Variants in SPNS2 observed in about 807,000 individuals in gnomAD.
SPNS2 encodes sphingosine-1-phosphate transporter SPNS2.
In SPNS2, 37 loss-of-function variants were observed where a neutral mutation model predicts 57.6. The ratio of observed to expected loss-of-function variants is 0.64; its 90% CI spans 0.49 to 0.85. SPNS2 has a LOEUF of 0.85. SPNS2 is among the 40% of genes least tolerant of loss of function. The pLI is 0.00. For synonymous variants in SPNS2, 440 were observed against 346.9 expected, an observed-to-expected ratio of 1.27 and a Z score of -2.98; for missense variants, 831 against 779.1, an observed-to-expected ratio of 1.07 and a Z score of -0.79.
At chr17:4,521,859 G>A (rs918834859) in intron 2 of SPNS2, among the ~76,000 whole-genome samples, 1 of 152,220 alleles carries the variant, frequency 6.6e-6, no homozygotes, top group Non-Finnish European at 1.5e-5. Context: ...GTGACACGAC[G>A]TGGGTAGCTT....
chr17:4,500,785 G>A (rs901932246), intron 1 of SPNS2, among the ~76,000 whole-genome samples: 7 of 152,050 alleles, frequency 4.6e-5, no homozygotes, highest in African/African-American at 9.7e-5. Flanking sequence ...CTGATGGGAG[G>A]GCAGAGGCTT....
At chr17:4,508,186 G>A (rs1030219323) in intron 1 of SPNS2, among the ~76,000 whole-genome samples, 8 of 152,294 alleles carry the variant, frequency 5.3e-5, no homozygotes, top group East Asian at 3.9e-4. Flanking sequence ...TTGGATCTGC[G>A]CCCTAGAGGT....
chr17:4,502,379 CA>C (rs11327895), intron 1 of SPNS2, among the ~76,000 whole-genome samples: 62,047 of 138,828 alleles, frequency 0.45, 13,037 homozygotes, highest in Non-Finnish European at 0.49. Flanking sequence ...GGCTCTGTCT[CA>C]AAAAAAAAAA....
intron 2 of SPNS2, among the ~76,000 whole-genome samples, chr17:4,514,788 C>T (rs1904944811): frequency 6.6e-6 from 1 of 152,248 alleles, no homozygotes; most frequent in Non-Finnish European, 1.5e-5. Context: ...CAGTGACCAG[C>T]ACTGCAGCTG....
chr17:4,530,743 C>A lies in SPNS2; in HGVS notation c.685C>A (p.Leu229Ile). 1 of 1,614,046 alleles carries A rather than the reference C, an allele frequency of 6.2e-7. No homozygotes were observed. The highest frequency in any genetic ancestry group is 8.5e-7 in the Non-Finnish European group (1 of 1,179,962). ...CCTCTTCACCAAGAACACGCGTACGCTCATGCTGTCCGTCTTCTACTTCGC... is the reference window on the plus strand; with the variant it reads ...CCTCTTCACCAAGAACACGCGTACGATCATGCTGTCCGTCTTCTACTTCGC... Reference protein sequence around the residue: ...GDLFTKNTRTLMLSVFYFAIP... With the variant: ...GDLFTKNTRTIMLSVFYFAIP... Residue 229 changes from leucine to isoleucine, a missense_variant, in exon 4 of 13, where the codon CTC (leucine) becomes ATC (isoleucine). Coordinates refer to ENST00000329078, the MANE Select transcript of SPNS2 (RefSeq NM_001124758.3).
rs1904358259 is a variant in SPNS2, at chr17:4,498,993, G to A, written c.-55G>A. 3.1e-6 allele frequency: 3 copies of A among 974,484 alleles called. No individual in the cohort carries two copies. In the South Asian group the frequency reaches 1.4e-4, roughly 46 times the overall value. The allele number at this position is 974,484 out of a possible 1,614,324, so 60.4% of individuals were successfully genotyped here. A position where few individuals can be genotyped will look rare whatever the true frequency, so the allele number is the denominator to read the frequency against. On this transcript the variant is annotated 5_prime_UTR_variant, in exon 1 of 13. Coordinates refer to ENST00000329078, the MANE Select transcript of SPNS2 (RefSeq NM_001124758.3). ...CGCGGCGCACGCACGCGCTGAGCGG[G>A]CCCAGCCTGGGCCCCGCGCCCCCCG...
intron 9 of SPNS2, chr17:4,534,273 CA>C (rs1905655653): frequency 3.9e-6 from 1 of 254,972 alleles, no homozygotes; most frequent in African/African-American, 2.2e-5. Flanking sequence ...GCTGTCTTCA[CA>C]GGGCCAACAA....
chr17:4,514,953 C>T (rs1010506169), intron 2 of SPNS2, among the ~76,000 whole-genome samples: 6 of 152,252 alleles, frequency 3.9e-5, no homozygotes, highest in South Asian at 4.1e-4. Flanking sequence ...CTCCTGGTCC[C>T]GGCCTCACTG....
intron 1 of SPNS2, among the ~76,000 whole-genome samples, chr17:4,508,568 G>T (rs1414958439): frequency 6.6e-6 from 1 of 152,174 alleles, no homozygotes; most frequent in African/African-American, 2.4e-5. Flanking sequence ...GGGGCTGTAT[G>T]TGTGTGCGGT....
At chr17:4,508,619 CGT>C (rs1252461637) in intron 1 of SPNS2, among the ~76,000 whole-genome samples, 2 of 152,230 alleles carry the variant, frequency 1.3e-5, no homozygotes, top group East Asian at 3.9e-4. Flanking sequence ...AGGGCCAGAC[CGT>C]GGAGGCCTCA....
chr17:4,532,558 G>C lies in SPNS2; in HGVS notation c.809G>C (p.Gly270Ala). ...CTCTGGCAGGTGTCCCCTGTCCTGGGCATGATCACAGGAACACTCATCCTC... is the reference window on the plus strand; with the variant it reads ...CTCTGGCAGGTGTCCCCTGTCCTGGCCATGATCACAGGAACACTCATCCTC... ...HWALRVSPVL[G>A]MITGTLILIL... The change falls in exon 6 of 13, where the codon GGC becomes GCC. Residue 270 changes from glycine to alanine, a missense_variant. Gly to Ala is a moderately conservative substitution (Grantham distance 60). Around this residue, in one of 2 missense-constraint regions of SPNS2, gnomAD observed 526 missense variants for 400.9 expected, o/e 1.31. Coordinates refer to ENST00000329078, the MANE Select transcript of SPNS2 (RefSeq NM_001124758.3). The C allele has an allele frequency of 6.2e-7, 1 of 1,614,168 alleles. No individual in the cohort carries two copies. The highest frequency in any genetic ancestry group is 1.3e-5 in the African/African-American group (1 of 75,052).
At position 4,503,671 on chromosome 17, in the gene SPNS2, G is replaced by T. The variant is rs569054676; in HGVS notation, c.370+4254G>T. 3.9e-5 allele frequency among the ~76,000 whole-genome samples: 6 copies of T among 152,316 alleles called. No homozygotes were observed. The South Asian group carries it at 1.2e-3, about 32-fold the overall frequency. On this transcript the variant is annotated intron_variant, in intron 1 of 12. Transcript: ENST00000329078. Reference sequence around the variant, plus strand: ...TGAGATCCTTCCCCAACTTCTGTGGGGTACCTGTTCTCTTCTCAAGACCTA... The same window carrying T: ...TGAGATCCTTCCCCAACTTCTGTGGTGTACCTGTTCTCTTCTCAAGACCTA...
intron 2 of SPNS2, among the ~76,000 whole-genome samples, chr17:4,517,271 C>G (rs1905019909): frequency 6.6e-6 from 1 of 152,218 alleles, no homozygotes; most frequent in South Asian, 2.1e-4. Flanking sequence ...CTGGCAGAAG[C>G]AAATCCCAAA....
chr17:4,535,286 T>C (rs549404644), intron 9 of SPNS2, among the ~76,000 whole-genome samples: 32 of 152,220 alleles, frequency 2.1e-4, no homozygotes, highest in African/African-American at 7.5e-4. Flanking sequence ...CATTTGGTGC[T>C]GAGGGTGCCC....
chr17:4,501,402 G>A (rs1443337527), intron 1 of SPNS2, among the ~76,000 whole-genome samples: 1 of 152,142 alleles, frequency 6.6e-6, no homozygotes, highest in South Asian at 2.1e-4. Flanking sequence ...TGTCAGCATG[G>A]GGGAATGAGA....
intron 11 of SPNS2, chr17:4,536,687 T>C (rs1905830916): frequency 1.6e-6 from 1 of 633,314 alleles, no homozygotes; most frequent in East Asian, 2.8e-5. Context: ...GCCCCTCCCC[T>C]TCCTCTTACT....
chr17:4,509,028 T>C (rs1451015625), intron 1 of SPNS2, among the ~76,000 whole-genome samples: 1 of 152,070 alleles, frequency 6.6e-6, no homozygotes, highest in African/African-American at 2.4e-5. Flanking sequence ...GGCTGGACGA[T>C]AAAGCAGATG....
chr17:4,532,422 T>A, intron 5 of SPNS2, 120 bp from the exon 6 acceptor site: 1 of 1,451,112 alleles, frequency 6.9e-7, no homozygotes. Flanking sequence ...GCTGGGCAGA[T>A]ACCTGCTCAG....
Position 4,514,820 on chromosome 17 carries a change from TG to T in SPNS2, c.436+1511del, listed in dbSNP as rs1296883151. Among the ~76,000 whole-genome samples, 7 of 152,308 alleles carry T rather than the reference TG, an allele frequency of 4.6e-5. No individual in the cohort carries two copies. The East Asian group carries it at 1.4e-3, about 29-fold the overall frequency. ...GCTGGGAAATGGAGTTCCAGCCACA[TG>T]GGCGCATGGGAAGGAGTGGGCTGCC... On this transcript the variant is annotated intron_variant, in intron 2 of 12. Coordinates refer to ENST00000329078, the MANE Select transcript of SPNS2 (RefSeq NM_001124758.3).
Sources: allele counts gnomAD v4.1 joint callset (sites outside exome capture counted in the v4.1 genomes callset), GRCh38; gene constraint gnomAD v4.1.1; regional missense constraint gnomAD v4.1.1; transcripts MANE v1.5; gene names NCBI Gene and HGNC (gene_info 2026-07-23, HGNC 2026-07-21).